DHTKD1: variants seen among roughly 807,000 people sequenced by gnomAD.
The protein encoded by DHTKD1 is dehydrogenase E1 and transketolase domain containing 1.
Under a neutral mutation model 101.8 loss-of-function variants are expected in DHTKD1, and 78 were observed. The ratio of observed to expected loss-of-function variants is 0.77; its 90% CI spans 0.64 to 0.93. DHTKD1 has a LOEUF of 0.93. Among genes scored for constraint, DHTKD1 ranks in the 40% least tolerant of loss-of-function variants. The probability of loss-of-function intolerance (pLI) is 0.00; values close to 1 mark genes in which losing one functional copy is unlikely to be tolerated. For synonymous variants in DHTKD1, 462 were observed against 450.3 expected (o/e 1.03, Z -0.33); for missense variants, 1,223 against 1,161.7 (o/e 1.05, Z -0.77).
chr10:12,079,194 C>G (rs1248291731), intron 1 of DHTKD1, among the ~76,000 whole-genome samples: 2 of 152,104 alleles, frequency 1.3e-5, no homozygotes, highest in East Asian at 1.9e-4. Context: ...GGTTCAAGCT[C>G]CTCCCTCAGC....
intron 1 of DHTKD1, among the ~76,000 whole-genome samples, chr10:12,072,951 G>A (rs1320752170): frequency 6.6e-6 from 1 of 151,994 alleles, no homozygotes; most frequent in Admixed American, 6.6e-5. Context: ...GGTCAGGCTG[G>A]TCTCGAACTC....
intron 1 of DHTKD1, among the ~76,000 whole-genome samples, chr10:12,073,736 ATGCG>A: frequency 1.3e-5 from 2 of 152,308 alleles, no homozygotes; most frequent in South Asian, 4.1e-4. Flanking sequence ...GACTGGAGTA[ATGCG>A]TGCATCCCCA....
rs190543146 is a variant in DHTKD1 at position 12,116,035 on chromosome 10, A to G, written c.2320-1638A>G. Among the ~76,000 whole-genome samples the G allele has an allele frequency of 4.5e-4, 69 of 151,930 alleles. 1 individual carries two copies. The East Asian group carries it at 0.013, about 29-fold the overall frequency. On this transcript the variant is annotated intron_variant, in intron 13 of 16. Transcript: ENST00000263035. ...AACCTCCATTTCCTGGGTTCAAGCA[A>G]TTCTCCTGCCTCAGCCTCCCAAGTA...
At chr10:12,094,376 A>G in intron 7 of DHTKD1, 105 bp downstream of exon 7, 1 of 1,028,876 alleles carries the variant, frequency 9.7e-7, no homozygotes, top group African/African-American at 1.6e-5. Flanking sequence ...GGAATGCAGT[A>G]GCACGATCTT....
At chr10:12,076,616 C>T (rs558158973) in intron 1 of DHTKD1, among the ~76,000 whole-genome samples, 252 of 152,208 alleles carry the variant, frequency 1.7e-3, no homozygotes, top group Non-Finnish European at 3.0e-3. Context: ...GAGGATCTCT[C>T]GAGCCCAGGA....
intron 12 of DHTKD1, 148 bp from the exon 13 acceptor site, chr10:12,112,752 C>T: frequency 1.4e-6 from 1 of 733,820 alleles, no homozygotes; most frequent in East Asian, 3.0e-5. Flanking sequence ...TTCATAAATT[C>T]ACCTGCTGAT....
At chr10:12,083,881 A>G (rs1050679938) in intron 2 of DHTKD1, among the ~76,000 whole-genome samples, 2 of 151,468 alleles carry the variant, frequency 1.3e-5, no homozygotes, top group Non-Finnish European at 2.9e-5. Flanking sequence ...TTTTTTCTTT[A>G]GAAAAAAATC....
intron 6 of DHTKD1, 23 bp from the exon 7 acceptor site, chr10:12,094,050 C>T (rs774960836): frequency 2.5e-5 from 40 of 1,603,762 alleles, no homozygotes; most frequent in Middle Eastern, 1.8e-4. Context: ...TGTCCTGTTT[C>T]GGCTTGGTCT....
At chr10:12,100,704 T>C (rs1833156231) in intron 9 of DHTKD1, among the ~76,000 whole-genome samples, 1 of 152,206 alleles carries the variant, frequency 6.6e-6, no homozygotes, top group African/African-American at 2.4e-5. Flanking sequence ...TAATTTTTCT[T>C]TCCTGACAAT....
intron 5 of DHTKD1, among the ~76,000 whole-genome samples, chr10:12,089,539 A>G (rs1015766936): frequency 6.6e-6 from 1 of 151,664 alleles, no homozygotes; most frequent in African/African-American, 2.4e-5. Flanking sequence ...CACAGATGTC[A>G]TTATCTCTCT....
intron 9 of DHTKD1, among the ~76,000 whole-genome samples, chr10:12,100,571 A>T (rs1191517329): frequency 6.6e-6 from 1 of 151,986 alleles, no homozygotes; most frequent in African/African-American, 2.4e-5. Context: ...CCAAGGTAAG[A>T]ATTTTCTGTC....
intron 1 of DHTKD1, among the ~76,000 whole-genome samples, chr10:12,077,985 C>G (rs1832759900): frequency 1.3e-5 from 2 of 151,876 alleles, no homozygotes; most frequent in African/African-American, 4.8e-5. Flanking sequence ...GAGGACGTGC[C>G]TGACATGAGA....
rs149066296 is a variant in DHTKD1 at position 12,088,989 on chromosome 10, A to G, written c.721A>G (p.Met241Val). 9 of 1,613,074 alleles carry G rather than the reference A, an allele frequency of 5.6e-6. No homozygotes were observed. The Admixed American group carries it at 1.3e-4, about 24-fold the overall frequency. The change falls in exon 5 of 17, where the codon ATG becomes GTG. Residue 241 changes from methionine to valine, a missense_variant. By Grantham distance (21) the Met-to-Val change is conservative (BLOSUM62 1). Coordinates refer to ENST00000263035, the MANE Select transcript of DHTKD1 (RefSeq NM_018706.7). ...TGLLQFPPEL[M>V]FRKMRGLSEF... ...CTTTTGAATGTATCCACAATAGCTGATGTTCCGTAAAATGCGAGGCTTAAG... is the reference window on the plus strand; with the variant it reads ...CTTTTGAATGTATCCACAATAGCTGGTGTTCCGTAAAATGCGAGGCTTAAG...
intron 1 of DHTKD1, among the ~76,000 whole-genome samples, chr10:12,072,115 A>G (rs992766691): frequency 6.6e-6 from 1 of 152,156 alleles, no homozygotes; most frequent in African/African-American, 2.4e-5. Context: ...GGCTAAAATA[A>G]ATGTCTACAT....
At chr10:12,118,642 A>G (rs1438649410) in intron 14 of DHTKD1, 107 bp from the exon 15 acceptor site, 3 of 854,816 alleles carry the variant, frequency 3.5e-6, no homozygotes, top group Non-Finnish European at 5.0e-6. Flanking sequence ...TTGGCCTCCC[A>G]AAGTGCTGAG....
At chr10:12,104,497 T>C (rs1192159068) in intron 10 of DHTKD1, among the ~76,000 whole-genome samples, 1 of 152,178 alleles carries the variant, frequency 6.6e-6, no homozygotes, top group Non-Finnish European at 1.5e-5. Flanking sequence ...TATTCCAAAA[T>C]AATATTCTAT....
rs773584681 is a variant in DHTKD1 at position 12,087,581 on chromosome 10, A to T, written c.569A>T (p.Tyr190Phe). The T allele has an allele frequency of 1.2e-6, 2 of 1,613,048 alleles. No individual in the cohort carries two copies. The highest frequency in any genetic ancestry group is 1.7e-5 in the Admixed American group (1 of 59,676). Residue 190 changes from tyrosine to phenylalanine, a missense_variant, in exon 4 of 17, where the codon TAT becomes TTT. Coordinates refer to ENST00000263035, the MANE Select transcript of DHTKD1 (RefSeq NM_018706.7). The surrounding 1 kb of genome is among the most constrained non-coding windows in gnomAD (Gnocchi z 5.2). ...ACCAAGTTCTCGACAGTGAAGCGAT[A>T]TGGAGGCGAAGGGGCTGAAAGCATG... Reference protein sequence around the residue: ...LATKFSTVKRYGGEGAESMMG... With the variant: ...LATKFSTVKRFGGEGAESMMG...
chr10:12,098,016 C>T lies in DHTKD1; in HGVS notation c.1671+20C>T. On this transcript the variant is annotated intron_variant, in intron 8 of 16. Transcript: ENST00000263035. ...GTTCAGGTGGGCAGCCTCCAAATGG[C>T]TGGTTATTGCTTCTCCTTCCTGCTC... 1.3e-6 allele frequency: 2 copies of T among 1,578,032 alleles called. No homozygotes were observed. Among genetic ancestry groups the T allele is most frequent in the African/African-American group, 1.3e-5 (1 of 74,172 alleles).
intron 10 of DHTKD1, among the ~76,000 whole-genome samples, chr10:12,105,140 T>A (rs1417761255): frequency 6.6e-6 from 1 of 152,114 alleles, no homozygotes; most frequent in Non-Finnish European, 1.5e-5. Context: ...GATTATGTTT[T>A]GCATTTAATT....
Sources: allele counts gnomAD v4.1 joint callset (sites outside exome capture counted in the v4.1 genomes callset), GRCh38; gene constraint gnomAD v4.1.1; non-coding constraint Gnocchi (gnomAD v3.1); transcripts MANE v1.5; gene names NCBI Gene and HGNC (gene_info 2026-07-23, HGNC 2026-07-21).